Variants in GPHN observed in about 807,000 individuals in gnomAD.
GPHN encodes gephyrin.
GPHN carries 17 observed loss-of-function variants against 95.5 expected under a neutral mutation model. The ratio of observed to expected loss-of-function variants is 0.18; its 90% CI spans 0.12 to 0.27. The LOEUF (loss-of-function observed/expected upper bound fraction) is 0.27. Among genes scored for constraint, GPHN ranks in the 10% least tolerant of loss-of-function variants. GPHN has a pLI of 1.00. For missense variants in GPHN, 660 were observed against 978.1 expected (o/e 0.67, Z 4.34); for synonymous variants, 320 against 322.5 (o/e 0.99, Z 0.08).
At chr14:66,578,654 G>GAAAAAAAAAA (rs574302625) in intron 1 of GPHN, among the ~76,000 whole-genome samples, 7 of 59,684 alleles carry the variant, frequency 1.2e-4, no homozygotes, top group Admixed American at 2.0e-4. Context: ...GGGATAGAGT[G>GAAAAAAAAAA]AAAAAAAAAA....
chr14:67,721,322 C>T, the GPHN span, among the ~76,000 whole-genome samples: 2 of 152,190 alleles, frequency 1.3e-5, no homozygotes, highest in African/African-American at 4.8e-5. Context: ...AGGCACGATC[C>T]TAGCTCACTT....
chr14:66,818,932 A>G (rs1197713879), intron 3 of GPHN, among the ~76,000 whole-genome samples: 4 of 151,654 alleles, frequency 2.6e-5, no homozygotes, highest in Admixed American at 6.7e-5. Context: ...CCACTTTTTA[A>G]TGGGTTTTTT....
At chr14:66,767,692 A>ATG (rs1426746316) in intron 2 of GPHN, among the ~76,000 whole-genome samples, 1 of 151,970 alleles carries the variant, frequency 6.6e-6, no homozygotes, top group Non-Finnish European at 1.5e-5. Flanking sequence ...ATGCCAGTAG[A>ATG]TGTGTGAGCC....
chr14:67,064,533 G>A (rs777684381), intron 11 of GPHN, among the ~76,000 whole-genome samples: 2 of 152,018 alleles, frequency 1.3e-5, no homozygotes, highest in African/African-American at 4.8e-5. Context: ...TGTACCTCTC[G>A]TAGAATTTGG....
the GPHN span, among the ~76,000 whole-genome samples, chr14:67,327,298 A>G: frequency 6.6e-6 from 1 of 152,154 alleles, no homozygotes; most frequent in Non-Finnish European, 1.5e-5. Context: ...TTGCCGGATC[A>G]AGTGAGGTAA....
intron 1 of GPHN, among the ~76,000 whole-genome samples, chr14:66,614,000 G>A (rs527581046): frequency 2.0e-5 from 3 of 151,790 alleles, no homozygotes; most frequent in Admixed American, 6.6e-5. Flanking sequence ...TATCTCTCCC[G>A]GCTGGAAATT....
chr14:67,575,590 A>T, the GPHN span: 1 of 772,992 alleles, frequency 1.3e-6, no homozygotes, highest in Non-Finnish European at 2.3e-6. Flanking sequence ...ATACAAAATC[A>T]GTTGGCTGGA....
chr14:66,934,390 G>T (rs181425354), intron 8 of GPHN, among the ~76,000 whole-genome samples: 8 of 152,258 alleles, frequency 5.3e-5, no homozygotes, highest in Non-Finnish European at 1.0e-4. Context: ...CTGTCCAGCA[G>T]TCATTTTCCA....
chr14:66,625,547 T>C lies in GPHN; in HGVS notation c.65-55560T>C, dbSNP rs375756922. 1.3e-4 allele frequency among the ~76,000 whole-genome samples: 20 copies of C among 152,266 alleles called. 1 individual carries two copies. The highest frequency in any genetic ancestry group is 3.4e-4 in the African/African-American group (14 of 41,582). The stretch of plus-strand genomic sequence containing the variant: ...GTCTGCCTTTTGTCCTACTTCTTGG[T>C]AGTTTCTTTTCCCTACCTTTGTTTT... On this transcript the variant is annotated intron_variant, in intron 1 of 22. Coordinates refer to ENST00000478722, the MANE Select transcript of GPHN (RefSeq NM_020806.5).
intron 4 of GPHN, among the ~76,000 whole-genome samples, chr14:66,845,819 CTGTGTGTGTGTGTGTG>C (rs367997271): frequency 1.6e-4 from 23 of 143,398 alleles, no homozygotes; most frequent in African/African-American, 4.8e-4. Context: ...ATACATGCCT[CTGTGTGTGTGTGTGTG>C]TGTGTGTGTG....
chr14:66,625,429 T>G (rs1469563143), intron 1 of GPHN, among the ~76,000 whole-genome samples: 2 of 152,142 alleles, frequency 1.3e-5, no homozygotes, highest in Non-Finnish European at 2.9e-5. Flanking sequence ...AGCCCCTCCC[T>G]TCTTTTTTCT....
chr14:66,532,197 A>G (rs1356934627), intron 1 of GPHN, among the ~76,000 whole-genome samples: 2 of 152,198 alleles, frequency 1.3e-5, no homozygotes, highest in African/African-American at 4.8e-5. Flanking sequence ...ACGATTTAGT[A>G]TTTTTCACAT....
the GPHN span, among the ~76,000 whole-genome samples, chr14:67,358,433 C>A: frequency 1.3e-5 from 2 of 152,144 alleles, no homozygotes; most frequent in Non-Finnish European, 2.9e-5. Flanking sequence ...CAGATTCTCT[C>A]AAAGGACAGA....
intron 5 of GPHN, among the ~76,000 whole-genome samples, chr14:66,886,444 A>G (rs954820495): frequency 6.6e-6 from 1 of 152,174 alleles, no homozygotes; most frequent in Non-Finnish European, 1.5e-5. Flanking sequence ...CATGTTCATC[A>G]TGACAATGTA....
chr14:66,561,386 A>G (rs867895104), intron 1 of GPHN, among the ~76,000 whole-genome samples: 3 of 152,156 alleles, frequency 2.0e-5, no homozygotes, highest in East Asian at 1.9e-4. Context: ...TTTTTGGTTG[A>G]TAAGCTATTG....
intron 9 of GPHN, among the ~76,000 whole-genome samples, chr14:67,012,951 C>G (rs1395296650): frequency 6.6e-6 from 1 of 151,980 alleles, no homozygotes; most frequent in Non-Finnish European, 1.5e-5. Flanking sequence ...ATAGCACTAA[C>G]CACTTTCTGA....
At chr14:67,348,931 G>C in the GPHN span, 1 of 1,063,572 alleles carries the variant, frequency 9.4e-7, no homozygotes, top group Non-Finnish European at 1.4e-6. Context: ...CTTGTTCTAA[G>C]TAGAAGGAAG....
chr14:67,390,652 T>C, the GPHN span: 3 of 1,588,038 alleles, frequency 1.9e-6, no homozygotes, highest in Non-Finnish European at 2.6e-6. Context: ...GGAGCCAGCA[T>C]GCGCACTCAC....
At chr14:67,160,850 C>T (rs1336039001) in intron 19 of GPHN, among the ~76,000 whole-genome samples, 5 of 152,190 alleles carry the variant, frequency 3.3e-5, no homozygotes, top group Non-Finnish European at 5.9e-5. Flanking sequence ...TTTACCTCCA[C>T]GATTTGGCCA....
Sources: allele counts gnomAD v4.1 joint callset (sites outside exome capture counted in the v4.1 genomes callset), GRCh38; gene constraint gnomAD v4.1.1; transcripts MANE v1.5; gene names NCBI Gene and HGNC (gene_info 2026-07-23, HGNC 2026-07-21).